The following ABL1 variants were observed in gnomAD, a reference collection of about 807,000 sequenced individuals.
ABL1 encodes the protein ABL proto-oncogene 1, non-receptor tyrosine kinase, also known as tyrosine-protein kinase ABL1.
A neutral mutation model predicts 94.7 loss-of-function variants in ABL1; 11 were observed. The ratio of observed to expected loss-of-function variants is 0.12; its 90% CI spans 0.07 to 0.19. The LOEUF (loss-of-function observed/expected upper bound fraction) is 0.19. Among genes scored for constraint, ABL1 ranks in the 10% least tolerant of loss-of-function variants. The pLI is 1.00. For synonymous variants in ABL1, 656 were observed against 622.4 expected, an observed-to-expected ratio of 1.05 and a Z score of -0.80; for missense variants, 1,082 against 1,489.4, an observed-to-expected ratio of 0.73 and a Z score of 4.50.
intron 1 of ABL1, among the ~76,000 whole-genome samples, chr9:130,779,698 C>T (rs1210462536): frequency 6.6e-6 from 1 of 152,118 alleles, no homozygotes; most frequent in Non-Finnish European, 1.5e-5. Context: ...ACACAGCAAA[C>T]CTATATGCCA....
rs199694985 is a variant in ABL1, at chr9:130,884,230, C to T, written c.1940C>T (p.Ala647Val). ...EGRDISNGAL[A>V]FTPLDTADPA... ...CGAGACATCAGCAACGGGGCACTGGCTTTCACCCCCTTGGACACAGCTGAC... is the reference window on the plus strand; with the variant it reads ...CGAGACATCAGCAACGGGGCACTGGTTTTCACCCCCTTGGACACAGCTGAC... Residue 647 changes from alanine to valine, a missense_variant, in exon 11 of 11, where the codon GCT becomes GTT. Ala to Val is a moderately conservative substitution (Grantham distance 64). Coordinates refer to ENST00000318560, the MANE Select transcript of ABL1 (RefSeq NM_005157.6). The surrounding 1 kb of genome is among the most constrained non-coding windows in gnomAD (Gnocchi z 5.6). 84 of 1,606,062 alleles carry T rather than the reference C, an allele frequency of 5.2e-5. No homozygotes were observed. The highest frequency in any genetic ancestry group is 6.6e-5 in the Non-Finnish European group (78 of 1,176,862).
At chr9:130,787,241 T>C (rs933592116) in intron 1 of ABL1, among the ~76,000 whole-genome samples, 8 of 152,214 alleles carry the variant, frequency 5.3e-5, no homozygotes, top group African/African-American at 1.9e-4. Context: ...TTGGTTCTCT[T>C]AGTCTGACTC....
At chr9:130,883,650 G>A (rs1420129217) in intron 10 of ABL1, among the ~76,000 whole-genome samples, 3 of 152,094 alleles carry the variant, frequency 2.0e-5, no homozygotes, top group Admixed American at 1.3e-4. Context: ...GTATAAAAAC[G>A]ATGACAAGGC....
chr9:130,854,693 T>C (rs1049690307), intron 2 of ABL1, 108 bp from the exon 3 acceptor site: 1 of 1,141,006 alleles, frequency 8.8e-7, no homozygotes, highest in Admixed American at 2.6e-5. Context: ...TAAAATGAAA[T>C]TGGTATTTAG....
At chr9:130,715,007 CAGCA>C (rs1831419610) in intron 1 of ABL1, among the ~76,000 whole-genome samples, 1 of 152,194 alleles carries the variant, frequency 6.6e-6, no homozygotes, top group African/African-American at 2.4e-5. Context: ...AGTGGGGAAG[CAGCA>C]TTCCTTGTGA....
intron 1 of ABL1, among the ~76,000 whole-genome samples, chr9:130,758,736 A>G (rs1416799338): frequency 1.3e-5 from 2 of 152,166 alleles, no homozygotes; most frequent in African/African-American, 2.4e-5. Context: ...TCCGGCCCCA[A>G]TTTATTCAAC....
chr9:130,875,370 T>G (rs947921586), intron 7 of ABL1, among the ~76,000 whole-genome samples: 1 of 152,108 alleles, frequency 6.6e-6, no homozygotes, highest in African/African-American at 2.4e-5. Context: ...CTAGAACTCC[T>G]GACCTCAGGT....
chr9:130,792,995 G>A (rs982062764), intron 1 of ABL1, among the ~76,000 whole-genome samples: 5 of 152,114 alleles, frequency 3.3e-5, no homozygotes, highest in African/African-American at 7.2e-5. Flanking sequence ...GCACGATCTC[G>A]GCTCACTGCA....
chr9:130,824,000 G>A (rs1459037830), intron 1 of ABL1, among the ~76,000 whole-genome samples: 1 of 152,190 alleles, frequency 6.6e-6, no homozygotes, highest in Non-Finnish European at 1.5e-5. Flanking sequence ...CATTTGTCAT[G>A]TGAAATAACT....
intron 1 of ABL1, among the ~76,000 whole-genome samples, chr9:130,728,248 T>TTTTTTTTTTTTTTTTTG (rs1554757228): frequency 2.0e-5 from 3 of 148,626 alleles, no homozygotes; most frequent in Admixed American, 6.7e-5. Context: ...TTTTTTTTTT[T>TTTTTTTTTTTTTTTTTG]GTGGAGACGG....
chr9:130,776,190 A>T (rs1832308360), intron 1 of ABL1, among the ~76,000 whole-genome samples: 1 of 152,262 alleles, frequency 6.6e-6, no homozygotes, highest in South Asian at 2.1e-4. Context: ...CAGCTCACTC[A>T]GGAATCATAA....
intron 8 of ABL1, among the ~76,000 whole-genome samples, chr9:130,879,638 C>A (rs1425046157): frequency 1.3e-5 from 2 of 152,254 alleles, no homozygotes; most frequent in East Asian, 3.9e-4. Context: ...AGTGACTGTT[C>A]CTGGTCCCCA....
At chr9:130,790,465 TTTTATTTATTTATTTA>T (rs57807270) in intron 1 of ABL1, among the ~76,000 whole-genome samples, 30,075 of 147,902 alleles carry the variant, frequency 0.2, 3,459 homozygotes, top group African/African-American at 0.32. Flanking sequence ...TTCATTTTTA[TTTTATTTATTTATTTA>T]TTTATTTATT....
rs1164057801 is a variant in ABL1 at position 130,884,680 on chromosome 9, T to G, written c.2390T>G (p.Val797Gly). ...AAGAATGAGGAAGCTGCTGATGAGG[T>G]CTTCAAAGACATCATGGAGTCCAGC... is the stretch of plus-strand genomic sequence containing the variant. ...VKKNEEAADE[V>G]FKDIMESSPG... Residue 797 changes from valine (V) to glycine (G), a missense_variant, in exon 11 of 11, where the codon GTC becomes GGC. Physicochemically the swap from Val to Gly is moderately radical, Grantham distance 109 (BLOSUM62 -3). Around this residue, in one of 7 missense-constraint regions of ABL1, gnomAD observed 780 missense variants for 835.8 expected, o/e 0.93. Transcript: ENST00000318560. This position sits in a 1 kb window ranked among gnomAD's most constrained non-coding sequence, Gnocchi z 5.6. 1 of 1,612,706 alleles carries G rather than the reference T, an allele frequency of 6.2e-7. No individual in the cohort carries two copies. Among genetic ancestry groups the G allele is most frequent in the Non-Finnish European group, 8.5e-7 (1 of 1,179,928 alleles).
intron 1 of ABL1, among the ~76,000 whole-genome samples, chr9:130,851,877 G>T (rs111611958): frequency 4.7e-5 from 7 of 148,306 alleles, no homozygotes; most frequent in African/African-American, 1.7e-4. Flanking sequence ...GCAATTCTCC[G>T]GCCTCAGTCT....
In ABL1 at chr9:130,878,583, C is replaced by T. The variant is rs1831391744; in HGVS notation, c.1423+16C>T. ...ATGCGAGCATGTAAGCCTTCCTCAG[C>T]CTGTTCTCACGAGTATATGTGGGCA... On this transcript the variant is annotated intron_variant, in intron 8 of 10. Coordinates refer to ENST00000318560, the MANE Select transcript of ABL1 (RefSeq NM_005157.6). 1 of 1,613,322 alleles carries T rather than the reference C, an allele frequency of 6.2e-7. No homozygotes were observed. Among genetic ancestry groups the T allele is most frequent in the Non-Finnish European group, 8.5e-7 (1 of 1,179,448 alleles).
At chr9:130,748,516 G>C (rs185324612) in intron 1 of ABL1, among the ~76,000 whole-genome samples, 123 of 151,644 alleles carry the variant, frequency 8.1e-4, no homozygotes, top group Non-Finnish European at 1.6e-3. Flanking sequence ...GGGCTCAAGT[G>C]ATCCTCCCAC....
exon 1 of ABL1, chr9:130,713,988 T>C: frequency 3.8e-6 from 1 of 262,572 alleles, no homozygotes; most frequent in Admixed American, 5.2e-5. Flanking sequence ...CTTTTCAGCA[T>C]CCCCTGTGAA....
chr9:130,804,888 CA>C (rs907933892), intron 1 of ABL1, among the ~76,000 whole-genome samples: 1 of 152,168 alleles, frequency 6.6e-6, no homozygotes, highest in African/African-American at 2.4e-5. Context: ...AGTCATCTAT[CA>C]AAAGCCAGCT....
Sources: allele counts gnomAD v4.1 joint callset (sites outside exome capture counted in the v4.1 genomes callset), GRCh38; gene constraint gnomAD v4.1.1; regional missense constraint gnomAD v4.1.1; non-coding constraint Gnocchi (gnomAD v3.1); transcripts MANE v1.5; gene names NCBI Gene and HGNC (gene_info 2026-07-23, HGNC 2026-07-21).